Variants in COL14A1 observed in about 807,000 individuals in gnomAD.
The protein encoded by COL14A1 is collagen alpha-1(XIV) chain.
COL14A1 carries 136 observed loss-of-function variants against 230.3 expected under a neutral mutation model. That is an observed-to-expected ratio of 0.59 (90% CI 0.51 to 0.68). The LOEUF (loss-of-function observed/expected upper bound fraction) is 0.68. COL14A1 is among the 30% of genes least tolerant of loss of function. The pLI is 0.00. For synonymous variants in COL14A1, 792 were observed against 784.1 expected (o/e 1.01, Z -0.17); for missense variants, 1,976 against 2,215.8 (o/e 0.89, Z 2.17).
At chr8:120,256,212 G>C (rs776322145) in intron 23 of COL14A1, among the ~76,000 whole-genome samples, 1 of 152,116 alleles carries the variant, frequency 6.6e-6, no homozygotes, top group Admixed American at 6.5e-5. Context: ...AATGTAGCCT[G>C]TTCTTTCTGG....
chr8:120,280,127 C>T lies in COL14A1; in HGVS notation c.3646+28C>T, dbSNP rs184993208. ...TAGTTCTTTGGAATTTGTACTTACT[C>T]ATGTTGCTTAACAGCTGAAATATTT... On this transcript the variant is annotated intron_variant, in intron 29 of 47. Transcript: ENST00000297848. 164 of 1,612,204 alleles carry T rather than the reference C, an allele frequency of 1.0e-4. 2 individuals are homozygous for T. In the Admixed American group the frequency reaches 1.0e-3, roughly 10 times the overall value.
At chr8:120,214,569 G>A (rs1172815003) in intron 13 of COL14A1, among the ~76,000 whole-genome samples, 1 of 152,136 alleles carries the variant, frequency 6.6e-6, no homozygotes, top group African/African-American at 2.4e-5. Context: ...TAATTTTAAA[G>A]CAATAGTAAG....
intron 47 of COL14A1, 190 bp from the exon 48 acceptor site, chr8:120,370,962 C>G: frequency 9.1e-7 from 1 of 1,102,720 alleles, no homozygotes; most frequent in South Asian, 1.7e-5. Context: ...TGTAATGTAT[C>G]TTTCCCTTCG....
intron 3 of COL14A1, among the ~76,000 whole-genome samples, chr8:120,158,718 A>G (rs1226270303): frequency 6.6e-6 from 1 of 152,190 alleles, no homozygotes; most frequent in Non-Finnish European, 1.5e-5. Flanking sequence ...TAGTTATTTA[A>G]GGATGCTTTA....
intron 45 of COL14A1, among the ~76,000 whole-genome samples, chr8:120,354,905 T>G (rs1822922790): frequency 6.6e-6 from 1 of 152,194 alleles, no homozygotes; most frequent in South Asian, 2.1e-4. Context: ...TCTCTGTTAA[T>G]TTATGTCAAA....
At chr8:120,242,671 G>T (rs187529209) in intron 19 of COL14A1, among the ~76,000 whole-genome samples, 294 of 149,836 alleles carry the variant, frequency 2.0e-3, no homozygotes, top group African/African-American at 6.9e-3. Flanking sequence ...TCCTTCTCAG[G>T]ACCCCGAGTC....
chr8:120,349,004 G>A (rs925358914), intron 45 of COL14A1, among the ~76,000 whole-genome samples: 2 of 152,112 alleles, frequency 1.3e-5, no homozygotes, highest in South Asian at 2.1e-4. Context: ...AGCTTTGAAG[G>A]GAGCAGTGGT....
intron 40 of COL14A1, among the ~76,000 whole-genome samples, chr8:120,319,336 A>T (rs538370608): frequency 1.6e-3 from 229 of 146,664 alleles, no homozygotes; most frequent in African/African-American, 5.6e-3. Flanking sequence ...TTTTTATTTT[A>T]TTTATTTATT....
intron 26 of COL14A1, among the ~76,000 whole-genome samples, chr8:120,272,609 T>A (rs1020642239): frequency 2.0e-5 from 3 of 150,940 alleles, no homozygotes; most frequent in Non-Finnish European, 3.0e-5. Context: ...AGATATTCCA[T>A]GCAAATGGAA....
At chr8:120,353,640 A>G (rs1396535477) in intron 45 of COL14A1, among the ~76,000 whole-genome samples, 1 of 151,260 alleles carries the variant, frequency 6.6e-6, no homozygotes. Flanking sequence ...ACATGAAAAA[A>G]TGCTCATCAT....
chr8:120,219,594 G>A (rs956585534), intron 14 of COL14A1, among the ~76,000 whole-genome samples: 1 of 152,126 alleles, frequency 6.6e-6, no homozygotes, highest in African/African-American at 2.4e-5. Context: ...CATCCCTCAT[G>A]ACCTAATCAT....
rs2130418068 is a variant in COL14A1, at chr8:120,372,534, A to T, written c.*1303A>T. On this transcript the variant is annotated 3_prime_UTR_variant, in exon 48 of 48. Transcript: ENST00000297848. ...GAAACAAAAGAGAACCATAAATTTA[A>T]TACGTGCTCCTTCTCTGTAACATCT... Among the ~76,000 whole-genome samples the T allele has an allele frequency of 6.6e-6, 1 of 152,324 alleles. No individual in the cohort carries two copies. The highest frequency in any genetic ancestry group is 2.1e-4 in the South Asian group (1 of 4,828).
At chr8:120,190,892 C>T (rs1391677265) in intron 5 of COL14A1, among the ~76,000 whole-genome samples, 1 of 151,432 alleles carries the variant, frequency 6.6e-6, no homozygotes, top group Non-Finnish European at 1.5e-5. Context: ...GTGGTGATAT[C>T]CCCTTTATCA....
intron 17 of COL14A1, among the ~76,000 whole-genome samples, chr8:120,227,616 A>T (rs564193186): frequency 2.6e-5 from 4 of 152,214 alleles, no homozygotes; most frequent in Non-Finnish European, 5.9e-5. Context: ...AGTACTTGGC[A>T]CATGTTAACT....
rs370713165 is a variant in COL14A1 at position 120,289,573 on chromosome 8, T to A, written c.4078-35T>A. The A allele has an allele frequency of 5.6e-6, 9 of 1,597,364 alleles. No homozygotes were observed. The African/African-American group carries it at 1.2e-4, about 21-fold the overall frequency. On this transcript the variant is annotated intron_variant, in intron 33 of 47. Coordinates refer to ENST00000297848, the MANE Select transcript of COL14A1 (RefSeq NM_021110.4). ...CAAATTTGGTTGATATTTCCTTCTG[T>A]TTCTTACCTCCTAAAACATCTTACT... is the stretch of plus-strand genomic sequence containing the variant.
At chr8:120,190,583 T>C (rs113583730) in intron 5 of COL14A1, among the ~76,000 whole-genome samples, 5,398 of 152,242 alleles carry the variant, frequency 0.035, 319 homozygotes, top group African/African-American at 0.12. Context: ...TGAATGGTAA[T>C]GCCTAGGTTT....
chr8:120,166,983 G>A lies in COL14A1; in HGVS notation c.350-1178G>A, dbSNP rs543452436. Among the ~76,000 whole-genome samples, 23 of 151,218 alleles carry A rather than the reference G, an allele frequency of 1.5e-4. No individual in the cohort carries two copies. The South Asian group carries it at 4.6e-3, about 30-fold the overall frequency. ...TGCCAATGCTTATCAAGAAGTCGGT[G>A]AATGAGGTTTTAAAAAATTGTTATA... On this transcript the variant is annotated intron_variant, in intron 4 of 47. Coordinates refer to ENST00000297848, the MANE Select transcript of COL14A1 (RefSeq NM_021110.4).
chr8:120,181,029 A>T (rs1275852583), intron 5 of COL14A1, among the ~76,000 whole-genome samples: 1 of 152,184 alleles, frequency 6.6e-6, no homozygotes, highest in Non-Finnish European at 1.5e-5. Context: ...TTTTAAGGTT[A>T]GTTTCAGAAA....
Position 120,285,036 on chromosome 8 carries a change from T to G in COL14A1, c.3968-825T>G, listed in dbSNP as rs180869269. Among the ~76,000 whole-genome samples, 542 of 152,268 alleles carry G rather than the reference T, an allele frequency of 3.6e-3. 2 individuals are homozygous for G. The highest frequency in any genetic ancestry group is 0.012 in the African/African-American group (498 of 41,554). ...ATAGTATCTTTTAAATAATAAAATA[T>G]TCCTTGTAATAGGAATAATTTAAGA... On this transcript the variant is annotated intron_variant, in intron 32 of 47. Transcript: ENST00000297848.
Sources: gnomAD v4.1 joint callset for allele counts (sites outside exome capture counted in the v4.1 genomes callset) on GRCh38, gnomAD v4.1.1 for gene constraint, MANE v1.5 for transcripts, NCBI Gene and HGNC (gene_info 2026-07-23, HGNC 2026-07-21) for gene names.